NCKAP1L: variants seen among roughly 807,000 people sequenced by gnomAD.
The protein encoded by NCKAP1L is nck-associated protein 1-like.
NCKAP1L carries 53 observed loss-of-function variants against 139.2 expected under a neutral mutation model. The observed-to-expected ratio is 0.38, with a 90% CI of 0.31 to 0.48. NCKAP1L has a LOEUF of 0.48. Among genes scored for constraint, NCKAP1L ranks in the 20% least tolerant of loss-of-function variants. NCKAP1L has a pLI of 0.98. For synonymous variants in NCKAP1L, 468 were observed against 499.7 expected, an observed-to-expected ratio of 0.94 and a Z score of 0.85; for missense variants, 1,151 against 1,381.9, an observed-to-expected ratio of 0.83 and a Z score of 2.65.
In NCKAP1L at chr12:54,543,365, T is replaced by C. The variant is rs1957174945; in HGVS notation, c.*680T>C. On this transcript the variant is annotated 3_prime_UTR_variant, in exon 31 of 31. Transcript: ENST00000293373. ...CTGCCCACCTACTCTACTACATTGTTTGTTACAAGTTCTCTCTTGCTTTAA... is the reference window on the plus strand; with the variant it reads ...CTGCCCACCTACTCTACTACATTGTCTGTTACAAGTTCTCTCTTGCTTTAA... 6.6e-6 allele frequency: 1 copy of C among 152,176 alleles called. No individual in the cohort carries two copies. Among genetic ancestry groups the C allele is most frequent in the Non-Finnish European group, 1.5e-5 (1 of 68,052 alleles). 9.4% of individuals were successfully genotyped at this position (152,176 alleles called of 1,614,324 possible). A position where few individuals can be genotyped will look rare whatever the true frequency, so the allele number is the denominator to read the frequency against.
intron 18 of NCKAP1L, 90 bp downstream of exon 18, chr12:54,521,328 A>G: frequency 1.3e-6 from 2 of 1,549,162 alleles, no homozygotes; most frequent in Middle Eastern, 2.1e-4. Context: ...TCAGATGCCA[A>G]GCTCAGTAAC....
At chr12:54,524,387 G>A (rs1313252832) in intron 20 of NCKAP1L, among the ~76,000 whole-genome samples, 1 of 152,148 alleles carries the variant, frequency 6.6e-6, no homozygotes, top group Non-Finnish European at 1.5e-5. Flanking sequence ...AGTTGGTAGA[G>A]AATTAAAGTT....
intron 3 of NCKAP1L, among the ~76,000 whole-genome samples, chr12:54,506,807 A>ATATATATATATATATAT (rs1555170901): frequency 7.4e-6 from 1 of 134,832 alleles, no homozygotes; most frequent in Non-Finnish European, 1.6e-5. Context: ...ATATATATAT[A>ATATATATATATATATAT]TATATATATA....
intron 5 of NCKAP1L, 24 bp from the exon 6 acceptor site, chr12:54,509,645 C>G: frequency 6.5e-7 from 1 of 1,529,824 alleles, no homozygotes; most frequent in East Asian, 2.2e-5. Context: ...AGGGCTGTAA[C>G]CCCTCTCCTC....
chr12:54,519,646 G>C (rs916710388), intron 16 of NCKAP1L, among the ~76,000 whole-genome samples: 2 of 152,018 alleles, frequency 1.3e-5, no homozygotes, highest in Non-Finnish European at 1.5e-5. Flanking sequence ...CAATTGGAAA[G>C]TGTTGCTGTT....
At chr12:54,516,450 CTT>C (rs112859632) in intron 10 of NCKAP1L, among the ~76,000 whole-genome samples, 155 bp downstream of exon 10, 11 of 145,220 alleles carry the variant, frequency 7.6e-5, no homozygotes, top group African/African-American at 7.6e-5. Flanking sequence ...CTTTTCTTTT[CTT>C]TTTTTTTTTT....
chr12:54,535,048 T>C, intron 26 of NCKAP1L, 56 bp from the exon 27 acceptor site: 1 of 1,425,060 alleles, frequency 7.0e-7, no homozygotes, highest in Non-Finnish European at 9.7e-7. Context: ...GCATTCCTTC[T>C]GTCAAGCCAT....
chr12:54,533,704 G>C (rs752278759), intron 26 of NCKAP1L, among the ~76,000 whole-genome samples: 4 of 152,004 alleles, frequency 2.6e-5, no homozygotes, highest in Non-Finnish European at 5.9e-5. Flanking sequence ...GTTCCTCCTG[G>C]AACTTCAGGT....
Position 54,502,826 on chromosome 12 carries a change from A to C in NCKAP1L, c.306+2201A>C, listed in dbSNP as rs528612103. 5.0e-4 allele frequency among the ~76,000 whole-genome samples: 74 copies of C among 146,868 alleles called. No homozygotes were observed. In the South Asian group the frequency reaches 7.4e-3, roughly 15 times the overall value. On this transcript the variant is annotated intron_variant, in intron 3 of 30. Coordinates refer to ENST00000293373, the MANE Select transcript of NCKAP1L (RefSeq NM_005337.5). ...ACATGGTGAAACCCCATCTACACAA[A>C]AAAAAAAAAAAAAAAAAAAAAATTA...
In NCKAP1L at chr12:54,546,395, A is replaced by C. The variant is rs1957197840; in HGVS notation, c.*3710A>C. 6.7e-6 allele frequency: 1 copy of C among 148,614 alleles called. No individual in the cohort carries two copies. Among genetic ancestry groups the C allele is most frequent in the African/African-American group, 2.5e-5 (1 of 40,454 alleles). 9.2% of individuals were successfully genotyped at this position (148,614 alleles called of 1,614,324 possible). On this transcript the variant is annotated 3_prime_UTR_variant, in exon 31 of 31. Coordinates refer to ENST00000293373, the MANE Select transcript of NCKAP1L (RefSeq NM_005337.5). ...AAAAAAAAAAAAATGCAGAAGGTCC[A>C]GGGCCTGGCCAAGGGGATGATGCCC...
intron 21 of NCKAP1L, among the ~76,000 whole-genome samples, chr12:54,527,479 G>A (rs535037268): frequency 6.6e-6 from 1 of 152,244 alleles, no homozygotes; most frequent in South Asian, 2.1e-4. Context: ...CCCTCTAAAG[G>A]GAACAGCCAC....
At chr12:54,530,112 C>T (rs1957056080) in intron 22 of NCKAP1L, among the ~76,000 whole-genome samples, 1 of 152,236 alleles carries the variant, frequency 6.6e-6, no homozygotes, top group Non-Finnish European at 1.5e-5. Flanking sequence ...TCCATTTCCT[C>T]TGTCACTGAT....
chr12:54,529,890 A>G (rs1957054171), intron 22 of NCKAP1L, among the ~76,000 whole-genome samples: 4 of 152,216 alleles, frequency 2.6e-5, no homozygotes, highest in Admixed American at 6.5e-5. Flanking sequence ...GGCAGATCCA[A>G]ACTGGTAGAT....
intron 16 of NCKAP1L, among the ~76,000 whole-genome samples, chr12:54,520,211 A>G (rs2120927151): frequency 6.6e-6 from 1 of 152,348 alleles, no homozygotes; most frequent in East Asian, 1.9e-4. Context: ...AGTACTTGCA[A>G]ATGTAAGAAA....
rs1957042060 is a variant in NCKAP1L at position 54,528,262 on chromosome 12, G to A, written c.2391G>A (p.Leu797=). ...AACCCTGTAGGTACCTGGAAAGTCTGCTTAGACAGGCAAGCAGTGGGACCA... is the reference window on the plus strand; with the variant it reads ...AACCCTGTAGGTACCTGGAAAGTCTACTTAGACAGGCAAGCAGTGGGACCA... ...TLYTNWYLES[L]LRQASSGTII... The change falls in exon 22 of 31, where the codon CTG becomes CTA. Residue 797 remains leucine (L), a synonymous_variant. Coordinates refer to ENST00000293373, the MANE Select transcript of NCKAP1L (RefSeq NM_005337.5). 6.2e-7 allele frequency: 1 copy of A among 1,613,830 alleles called. No individual in the cohort carries two copies. Among genetic ancestry groups the A allele is most frequent in the Non-Finnish European group, 8.5e-7 (1 of 1,179,834 alleles).
chr12:54,531,413 G>A (rs12580728), intron 23 of NCKAP1L, 56 bp downstream of exon 23: 1 of 1,605,050 alleles, frequency 6.2e-7, no homozygotes, highest in African/African-American at 1.3e-5. Context: ...AAGAGGGTGG[G>A]TATAGGAGAC....
chr12:54,506,045 G>C (rs547619191), intron 3 of NCKAP1L, among the ~76,000 whole-genome samples: 2 of 152,168 alleles, frequency 1.3e-5, no homozygotes, highest in African/African-American at 4.8e-5. Flanking sequence ...CATTTGAGTT[G>C]TTTCTAGTTT....
rs761853641 is a variant in NCKAP1L at position 54,512,035 on chromosome 12, A to C, written c.871A>C (p.Ile291Leu). 86 of 1,614,056 alleles carry C rather than the reference A, an allele frequency of 5.3e-5. No individual in the cohort carries two copies. The highest frequency in any genetic ancestry group is 7.1e-5 in the Non-Finnish European group (84 of 1,180,034). ...GCTGTGTCTGCAGGGCTCCCTCTAC[A>C]TCACCCTTATCCGTGAGGATGTGCT... Reference protein sequence around the residue: ...WKLCLQGSLYITLIREDVLQV... With the variant: ...WKLCLQGSLYLTLIREDVLQV... Residue 291 changes from isoleucine (I) to leucine (L), a missense_variant, in exon 9 of 31, where the codon ATC becomes CTC. Ile to Leu is a conservative substitution (Grantham distance 5). Transcript: ENST00000293373.
At chr12:54,511,094 G>A (rs911810570) in intron 7 of NCKAP1L, among the ~76,000 whole-genome samples, 2 of 152,318 alleles carry the variant, frequency 1.3e-5, no homozygotes, top group East Asian at 3.9e-4. Context: ...AGTGATAAGT[G>A]CCAAATGAGT....
Sources: allele counts gnomAD v4.1 joint callset (sites outside exome capture counted in the v4.1 genomes callset), GRCh38; gene constraint gnomAD v4.1.1; transcripts MANE v1.5; gene names NCBI Gene and HGNC (gene_info 2026-07-23, HGNC 2026-07-21).